ZNF782: variants seen among roughly 807,000 people sequenced by gnomAD.
ZNF782 encodes the protein zinc finger protein 782.
Under a neutral mutation model 13.0 loss-of-function variants are expected in ZNF782, and 12 were observed. That is an observed-to-expected ratio of 0.92 (90% CI 0.59 to 1.50). ZNF782 has a LOEUF of 1.50. Among genes scored for constraint, ZNF782 ranks in the 40% most tolerant of loss-of-function variants. ZNF782 has a pLI of 0.00. For missense variants in ZNF782, 770 were observed against 822.9 expected (o/e 0.94, Z 0.79); for synonymous variants, 284 against 283.0 (o/e 1.00, Z -0.04).
At chr9:96,877,119 A>G (rs1367108871), upstream of ZNF782, among the ~76,000 whole-genome samples, 1 of 152,116 alleles carries the variant, frequency 6.6e-6, no homozygotes, top group Non-Finnish European at 1.5e-5. Context: ...TCATAGGAAC[A>G]TCTTTTTACT....
chr9:96,911,510 G>GTTTTTTTTTT, the ZNF782 span, among the ~76,000 whole-genome samples: 4 of 109,670 alleles, frequency 3.6e-5, no homozygotes, highest in South Asian at 6.0e-4. Flanking sequence ...TTTTTTTTTT[G>GTTTTTTTTTT]TTTTTGTTTT....
chr9:96,876,551 T>A (rs1851894082), upstream of ZNF782, among the ~76,000 whole-genome samples: 1 of 152,144 alleles, frequency 6.6e-6, no homozygotes, highest in Non-Finnish European at 1.5e-5. Context: ...TACATACAAA[T>A]ATGTCTTGGG....
chr9:96,834,255 C>T (rs1325434583), intron 4 of ZNF782, among the ~76,000 whole-genome samples: 1 of 152,218 alleles, frequency 6.6e-6, no homozygotes, highest in African/African-American at 2.4e-5. Context: ...TTAGTTCTCA[C>T]GTGAGCTGAT....
At chr9:96,921,262 G>A in the ZNF782 span, among the ~76,000 whole-genome samples, 1,173 of 148,884 alleles carry the variant, frequency 7.9e-3, 25 homozygotes, top group African/African-American at 0.028. Context: ...CGAGTGTGGT[G>A]GCTCACGCCT....
chr9:96,817,669 C>T lies in ZNF782; in HGVS notation c.*254G>A. The T allele has an allele frequency of 2.8e-6, 1 of 356,682 alleles. No individual in the cohort carries two copies. The highest frequency in any genetic ancestry group is 4.3e-5 in the Admixed American group (1 of 23,016). The allele number at this position is 356,682 out of a possible 1,614,324, so 22.1% of individuals were successfully genotyped here. ...AGTTCGCAAGAGTATTTTCCATATT[C>T]ATTATGTTTATAGGGTTTCTTTGCT... On this transcript the variant is annotated 3_prime_UTR_variant, in exon 6 of 6. Transcript: ENST00000481138.
chr9:96,854,637 T>G (rs911910935), upstream of ZNF782: 1 of 152,272 alleles, frequency 6.6e-6, no homozygotes, highest in Non-Finnish European at 1.5e-5. Flanking sequence ...ACTCCTCACG[T>G]TTCGGCGATT....
At chr9:96,852,327 G>A (rs1309957806) in intron 2 of ZNF782, among the ~76,000 whole-genome samples, 2 of 152,144 alleles carry the variant, frequency 1.3e-5, no homozygotes, top group Non-Finnish European at 2.9e-5. Flanking sequence ...ACACCACAGG[G>A]TAAGACACTA....
chr9:96,883,599 C>T, the ZNF782 span, among the ~76,000 whole-genome samples: 1 of 152,154 alleles, frequency 6.6e-6, no homozygotes, highest in Non-Finnish European at 1.5e-5. Flanking sequence ...CTAGACACAA[C>T]CAATAGAAGG....
the ZNF782 span, among the ~76,000 whole-genome samples, chr9:96,930,820 G>T: frequency 6.9e-6 from 1 of 145,044 alleles, no homozygotes; most frequent in Non-Finnish European, 1.5e-5. Flanking sequence ...ATGTGTTATG[G>T]GTTATCTTCA....
intron 1 of ZNF782, among the ~76,000 whole-genome samples, chr9:96,867,511 A>T (rs572797675): frequency 1.6e-4 from 24 of 152,322 alleles, no homozygotes; most frequent in Non-Finnish European, 3.1e-4. Context: ...GCAGCATGAA[A>T]ACAGACTAAT....
Position 96,818,539 on chromosome 9 carries a change from T to G in ZNF782, c.1484A>C (p.Asn495Thr). Residue 495 changes from asparagine to threonine, a missense_variant, in exon 6 of 6, where the codon AAT becomes ACT. By Grantham distance (65) the Asn-to-Thr change is moderately conservative. Transcript: ENST00000481138. ...KSFSHMSGLR[N>T]HRRTHTGERP... ...TTCCCCTGTGTGAGTTCTTCGGTGA[T>G]TCCTTAGGCCTGACATATGGCTGAA... 6.2e-7 allele frequency: 1 copy of G among 1,613,684 alleles called. No individual in the cohort carries two copies. Among genetic ancestry groups the G allele is most frequent in the Non-Finnish European group, 8.5e-7 (1 of 1,179,906 alleles).
intron 1 of ZNF782, among the ~76,000 whole-genome samples, chr9:96,863,109 AAGT>A (rs144480680): frequency 0.026 from 3,981 of 152,236 alleles, 165 homozygotes; most frequent in African/African-American, 0.09. Flanking sequence ...CATTACAACA[AAGT>A]ACTTAACATA....
At chr9:96,903,763 C>T in the ZNF782 span, among the ~76,000 whole-genome samples, 359 of 151,488 alleles carry the variant, frequency 2.4e-3, 2 homozygotes, top group African/African-American at 8.1e-3. Flanking sequence ...GGGGTTTCAC[C>T]GTGTTCGCCA....
At chr9:96,913,544 G>A in the ZNF782 span, among the ~76,000 whole-genome samples, 2 of 151,016 alleles carry the variant, frequency 1.3e-5, no homozygotes, top group Non-Finnish European at 3.0e-5. Flanking sequence ...TGGAGGGGAC[G>A]GAGCCTTGCT....
chr9:96,921,659 G>A, the ZNF782 span, among the ~76,000 whole-genome samples: 3 of 150,390 alleles, frequency 2.0e-5, no homozygotes, highest in Non-Finnish European at 4.4e-5. Context: ...TCAGGAGTTT[G>A]AGACCAGCCT....
chr9:96,900,480 C>G, the ZNF782 span, among the ~76,000 whole-genome samples: 3 of 152,164 alleles, frequency 2.0e-5, no homozygotes, highest in African/African-American at 7.2e-5. Flanking sequence ...TGGCTCACGC[C>G]TGTAATCCCA....
At chr9:96,879,835 G>C (rs1483847134), upstream of ZNF782, among the ~76,000 whole-genome samples, 1 of 152,112 alleles carries the variant, frequency 6.6e-6, no homozygotes, top group Non-Finnish European at 1.5e-5. Context: ...TTTGCATTCT[G>C]TGATCTTGCT....
chr9:96,879,419 C>G (rs1210517802), upstream of ZNF782, among the ~76,000 whole-genome samples: 5 of 152,200 alleles, frequency 3.3e-5, no homozygotes, highest in African/African-American at 4.8e-5. Context: ...AGGAGAATGG[C>G]GTGAACCCAG....
rs1292584342 is a variant in ZNF782, at chr9:96,828,418, G to T, written c.143-1237C>A. Reference sequence around the variant, plus strand: ...ATGTAAAAGAATACAACAAAATCTAGCAACTCACAATGTAAAATTCACAAT... The same window carrying T: ...ATGTAAAAGAATACAACAAAATCTATCAACTCACAATGTAAAATTCACAAT... On this transcript the variant is annotated intron_variant, in intron 4 of 5. Coordinates refer to ENST00000481138, the MANE Select transcript of ZNF782 (RefSeq NM_001001662.3). 4.6e-5 allele frequency among the ~76,000 whole-genome samples: 7 copies of T among 152,248 alleles called. No individual in the cohort carries two copies. The East Asian group carries it at 1.4e-3, about 29-fold the overall frequency.
Sources: gnomAD v4.1 joint callset for allele counts (sites outside exome capture counted in the v4.1 genomes callset) on GRCh38, gnomAD v4.1.1 for gene constraint, MANE v1.5 for transcripts, NCBI Gene and HGNC (gene_info 2026-07-23, HGNC 2026-07-21) for gene names.